The following DOCK4 variants were observed in gnomAD, a reference collection of about 807,000 sequenced individuals.
DOCK4 encodes dedicator of cytokinesis protein 4.
Under a neutral mutation model 268.1 loss-of-function variants are expected in DOCK4, and 97 were observed. The observed-to-expected ratio is 0.36, with a 90% CI of 0.31 to 0.43. DOCK4 has a LOEUF of 0.43. Among genes scored for constraint, DOCK4 ranks in the 20% least tolerant of loss-of-function variants. The pLI is 1.00. For synonymous variants in DOCK4, 954 were observed against 887.2 expected, an observed-to-expected ratio of 1.08 and a Z score of -1.34; for missense variants, 2,145 against 2,455.7, an observed-to-expected ratio of 0.87 and a Z score of 2.67.
rs182325455 is a variant in DOCK4, at chr7:111,962,409, A to G, written c.701+14723T>C. Among the ~76,000 whole-genome samples, 1,089 of 152,324 alleles carry G rather than the reference A, an allele frequency of 7.1e-3. 6 individuals are homozygous for G. Among genetic ancestry groups the G allele is most frequent in the Middle Eastern group, 0.014 (4 of 294 alleles). ...ATAACCCCATGGGGAAAGTACTATTATTATCTCTACTTATCAGACAAGTTA... is the reference window on the plus strand; with the variant it reads ...ATAACCCCATGGGGAAAGTACTATTGTTATCTCTACTTATCAGACAAGTTA... On this transcript the variant is annotated intron_variant, in intron 8 of 52. Coordinates refer to ENST00000428084, the MANE Select transcript of DOCK4 (RefSeq NM_001363540.2).
rs541611062 is a variant in DOCK4 at position 111,899,364 on chromosome 7, G to C, written c.1480+1010C>G. The stretch of plus-strand genomic sequence containing the variant: ...AAAATGTGATTCTCCTGTATCTCTC[G>C]TTTGTTGTACTGCTCCCAAAGCTAG... On this transcript the variant is annotated intron_variant, in intron 15 of 52. Coordinates refer to ENST00000428084, the MANE Select transcript of DOCK4 (RefSeq NM_001363540.2). Among the ~76,000 whole-genome samples, 9 of 152,184 alleles carry C rather than the reference G, an allele frequency of 5.9e-5. No homozygotes were observed. The South Asian group carries it at 8.3e-4, about 14-fold the overall frequency.
chr7:111,905,383 A>T (rs1371964413), intron 13 of DOCK4, among the ~76,000 whole-genome samples: 7 of 152,214 alleles, frequency 4.6e-5, no homozygotes, highest in Non-Finnish European at 7.3e-5. Context: ...CCTCTTTAGC[A>T]GGCCTGCTGG....
chr7:111,909,483 A>AT (rs1354591628), intron 13 of DOCK4, among the ~76,000 whole-genome samples: 1 of 152,258 alleles, frequency 6.6e-6, no homozygotes, highest in East Asian at 1.9e-4. Context: ...ACATTTGTTT[A>AT]TTGCAGCACT....
intron 30 of DOCK4, among the ~76,000 whole-genome samples, chr7:111,804,671 C>A (rs1800541078): frequency 6.6e-6 from 1 of 152,024 alleles, no homozygotes; most frequent in South Asian, 2.1e-4. Context: ...GCGATCTTGG[C>A]TCACTGCAAC....
chr7:112,066,659 T>G (rs1806998584), intron 1 of DOCK4, among the ~76,000 whole-genome samples: 1 of 70,168 alleles, frequency 1.4e-5, no homozygotes, highest in African/African-American at 8.4e-5. Flanking sequence ...TATACACATA[T>G]TATACATATA....
chr7:111,878,391 T>G (rs1309291137), intron 16 of DOCK4, among the ~76,000 whole-genome samples: 1 of 152,156 alleles, frequency 6.6e-6, no homozygotes, highest in Non-Finnish European at 1.5e-5. Flanking sequence ...ACCAAGATGA[T>G]GGAATAGAAG....
intron 1 of DOCK4, among the ~76,000 whole-genome samples, chr7:112,075,287 G>T (rs1328753328): frequency 2.0e-5 from 3 of 152,160 alleles, no homozygotes; most frequent in African/African-American, 7.2e-5. Flanking sequence ...TGCAGGGAAA[G>T]AGAGGCAAGA....
rs542590889 is a variant in DOCK4, at chr7:111,897,003, C to T, written c.1481-1285G>A. On this transcript the variant is annotated intron_variant, in intron 15 of 52. Transcript: ENST00000428084. ...TTCCACATCAATGATAATACAGGAACTTGAATCTACAGGTTCATTTAAGAA... is the reference window on the plus strand; with the variant it reads ...TTCCACATCAATGATAATACAGGAATTTGAATCTACAGGTTCATTTAAGAA... 1.6e-4 allele frequency among the ~76,000 whole-genome samples: 24 copies of T among 152,262 alleles called. No individual in the cohort carries two copies. In the South Asian group the frequency reaches 5.0e-3, roughly 32 times the overall value.
intron 36 of DOCK4, among the ~76,000 whole-genome samples, chr7:111,776,163 T>C (rs1253473044): frequency 6.6e-6 from 1 of 152,206 alleles, no homozygotes; most frequent in Non-Finnish European, 1.5e-5. Context: ...TATCTGACTT[T>C]TAAAAAACTA....
At chr7:111,741,701 A>T (rs747819161) in intron 45 of DOCK4, 40 bp from the exon 46 acceptor site, 15 of 1,601,214 alleles carry the variant, frequency 9.4e-6, no homozygotes, top group Non-Finnish European at 1.2e-5. Context: ...TACAGTAATG[A>T]TTTGGGCAAA....
At chr7:112,080,575 G>A (rs542187098) in intron 1 of DOCK4, among the ~76,000 whole-genome samples, 2 of 152,276 alleles carry the variant, frequency 1.3e-5, no homozygotes, top group East Asian at 1.9e-4. Context: ...GCCAGCTTAA[G>A]TTGCTCAAGA....
intron 25 of DOCK4, among the ~76,000 whole-genome samples, chr7:111,842,934 C>T (rs1223781651): frequency 6.6e-6 from 1 of 152,192 alleles, no homozygotes; most frequent in Non-Finnish European, 1.5e-5. Flanking sequence ...TGGTATCACA[C>T]AAAGCCAGCT....
At chr7:111,975,836 C>A (rs758601051) in intron 8 of DOCK4, among the ~76,000 whole-genome samples, 7 of 151,780 alleles carry the variant, frequency 4.6e-5, no homozygotes, top group Non-Finnish European at 8.8e-5. Context: ...AACTATTTTA[C>A]CAGAAAAGAA....
chr7:112,168,360 A>G (rs1480273688), intron 1 of DOCK4, among the ~76,000 whole-genome samples: 3 of 152,216 alleles, frequency 2.0e-5, no homozygotes, highest in Non-Finnish European at 4.4e-5. Context: ...TATGTAAATT[A>G]AAGTCTCAAA....
chr7:112,181,884 C>T (rs1376125894), intron 1 of DOCK4, among the ~76,000 whole-genome samples: 1 of 152,176 alleles, frequency 6.6e-6, no homozygotes, highest in Non-Finnish European at 1.5e-5. Context: ...ATCCGCAGGA[C>T]AGCCTGGGCA....
intron 1 of DOCK4, among the ~76,000 whole-genome samples, chr7:112,066,993 CACA>C (rs1807131060): frequency 6.7e-6 from 1 of 149,244 alleles, no homozygotes; most frequent in Admixed American, 6.7e-5. Context: ...CACACACACA[CACA>C]AAAAAACCAA....
At chr7:112,117,389 G>T (rs529714340) in intron 1 of DOCK4, among the ~76,000 whole-genome samples, 1 of 151,666 alleles carries the variant, frequency 6.6e-6, no homozygotes, top group African/African-American at 2.4e-5. Flanking sequence ...TTTTTGAGAC[G>T]GAGTTTCACT....
chr7:112,159,852 T>C (rs1032002078), intron 1 of DOCK4, among the ~76,000 whole-genome samples: 1 of 144,724 alleles, frequency 6.9e-6, no homozygotes, highest in African/African-American at 2.7e-5. Context: ...ATAATATATA[T>C]ACATAATGTA....
At chr7:111,841,476 A>G (rs926146493) in intron 25 of DOCK4, among the ~76,000 whole-genome samples, 2 of 152,058 alleles carry the variant, frequency 1.3e-5, no homozygotes, top group African/African-American at 4.8e-5. Context: ...TCTCTGTTTT[A>G]AAGAAACAGA....
Sources: allele counts gnomAD v4.1 joint callset (sites outside exome capture counted in the v4.1 genomes callset), GRCh38; gene constraint gnomAD v4.1.1; transcripts MANE v1.5; gene names NCBI Gene and HGNC (gene_info 2026-07-23, HGNC 2026-07-21).